The following MAST4 variants were observed in gnomAD, a reference collection of about 807,000 sequenced individuals.
MAST4 encodes microtubule associated serine/threonine kinase family member 4.
Under a neutral mutation model 162.7 loss-of-function variants are expected in MAST4, and 89 were observed. The observed-to-expected ratio is 0.55, with a 90% confidence interval of 0.46 to 0.65. The LOEUF (loss-of-function observed/expected upper bound fraction) is 0.65. MAST4 is among the 30% of genes least tolerant of loss of function. The pLI is 0.00. For synonymous variants in MAST4, 1,479 were observed against 1,361.1 expected, an observed-to-expected ratio of 1.09 and a Z score of -1.91; for missense variants, 3,153 against 3,374.0, an observed-to-expected ratio of 0.93 and a Z score of 1.62.
chr5:66,598,989 C>T (rs1742380298), intron 1 of MAST4, among the ~76,000 whole-genome samples: 1 of 152,172 alleles, frequency 6.6e-6, no homozygotes, highest in Non-Finnish European at 1.5e-5. Context: ...TAACATGGGT[C>T]ACTATTTGTG....
intron 4 of MAST4, among the ~76,000 whole-genome samples, chr5:67,003,569 A>G (rs186120707): frequency 6.6e-6 from 1 of 152,208 alleles, no homozygotes; most frequent in African/African-American, 2.4e-5. Context: ...TTTTTTGCTG[A>G]ATATATACTT....
intron 10 of MAST4, among the ~76,000 whole-genome samples, chr5:67,106,215 A>G (rs1241516872): frequency 1.3e-5 from 2 of 152,078 alleles, no homozygotes; most frequent in African/African-American, 4.8e-5. Context: ...CTTGGATTAG[A>G]GACCTATAGA....
intron 1 of MAST4, among the ~76,000 whole-genome samples, chr5:66,711,707 C>T (rs1363101138): frequency 6.6e-6 from 1 of 152,014 alleles, no homozygotes; most frequent in African/African-American, 2.4e-5. Flanking sequence ...TGGTGGTGGG[C>T]GTCTGTAATC....
chr5:66,616,710 C>T (rs4339298), intron 1 of MAST4, among the ~76,000 whole-genome samples: 146,491 of 152,340 alleles, frequency 0.96, 70,649 homozygotes, highest in African/African-American at 0.99. Context: ...AAGGAACAGC[C>T]TAAGAGAGTG....
At chr5:66,742,279 A>G (rs1432197177) in intron 1 of MAST4, among the ~76,000 whole-genome samples, 1 of 152,156 alleles carries the variant, frequency 6.6e-6, no homozygotes, top group East Asian at 1.9e-4. Context: ...CAGTGTGTTC[A>G]CACTTCCCGA....
chr5:66,834,103 C>T (rs914890426), intron 3 of MAST4, among the ~76,000 whole-genome samples: 6 of 152,144 alleles, frequency 3.9e-5, no homozygotes, highest in South Asian at 4.1e-4. Flanking sequence ...TAATTAAATA[C>T]GGGTATCAGG....
In MAST4 at chr5:67,028,543, C is replaced by G. The variant is rs139688731; in HGVS notation, c.675-25861C>G. Among the ~76,000 whole-genome samples, 4 of 152,102 alleles carry G rather than the reference C, an allele frequency of 2.6e-5. No homozygotes were observed. In the South Asian group the frequency reaches 8.3e-4, roughly 32 times the overall value. On this transcript the variant is annotated intron_variant, in intron 4 of 28. Transcript: ENST00000403625. ...ATGATGCCACAAGCAGGCTGGTGAC[C>G]GTGAGAATGAAGGGAGACGCTCAGG...
In MAST4 at chr5:67,166,385, C is replaced by CGCGGAGCGGCCT; in HGVS notation, c.7217_7218insTGCGGAGCGGCC (p.Glu2404_Ala2407dup). 1 of 1,610,768 alleles carries CGCGGAGCGGCCT rather than the reference C, an allele frequency of 6.2e-7. No homozygotes were observed. The highest frequency in any genetic ancestry group is 8.5e-7 in the Non-Finnish European group (1 of 1,178,318). ...TGCATAGCGAGAACCGGTTGAAAGG[C>CGCGGAGCGGCCT]GCGGAGCGGCCAGCCGCGGGGGTGG... On this transcript the variant is annotated inframe_insertion, in exon 29 of 29. Transcript: ENST00000403625.
At chr5:66,878,973 C>A (rs1291378974) in intron 3 of MAST4, among the ~76,000 whole-genome samples, 1 of 152,220 alleles carries the variant, frequency 6.6e-6, no homozygotes, top group Non-Finnish European at 1.5e-5. Flanking sequence ...TGATTCTCAA[C>A]TACCCTTATA....
At chr5:66,713,531 C>T (rs1223408167) in intron 1 of MAST4, among the ~76,000 whole-genome samples, 2 of 152,208 alleles carry the variant, frequency 1.3e-5, no homozygotes, top group Non-Finnish European at 2.9e-5. Flanking sequence ...AAATACATTA[C>T]TCAAATAATA....
chr5:66,998,238 A>G (rs1750896201), intron 4 of MAST4, among the ~76,000 whole-genome samples: 1 of 152,242 alleles, frequency 6.6e-6, no homozygotes, highest in African/African-American at 2.4e-5. Context: ...CAAGAGCTGT[A>G]TAAGAAATGA....
intron 3 of MAST4, among the ~76,000 whole-genome samples, chr5:66,867,279 G>A (rs1358813145): frequency 3.3e-5 from 5 of 152,046 alleles, no homozygotes; most frequent in Non-Finnish European, 7.4e-5. Flanking sequence ...AAAGAATTAG[G>A]CTTTTATAAA....
intron 26 of MAST4, among the ~76,000 whole-genome samples, chr5:67,155,464 A>G (rs571436640): frequency 6.6e-6 from 1 of 152,304 alleles, no homozygotes; most frequent in East Asian, 1.9e-4. Flanking sequence ...ACAGGTGGAG[A>G]CGATACTTGG....
In MAST4 at chr5:67,162,783, C is replaced by A; in HGVS notation, c.3962C>A (p.Pro1321Gln). 1.2e-6 allele frequency: 2 copies of A among 1,613,720 alleles called. No individual in the cohort carries two copies. Among genetic ancestry groups the A allele is most frequent in the Non-Finnish European group, 1.7e-6 (2 of 1,179,772 alleles). ...AGCTACCGCTCCACCCCTGACTTCC[C>A]ATCTGGTGAGTGAGTCTCCTGGTCT... is the stretch of plus-strand genomic sequence containing the variant. ...TPSYRSTPDF[P>Q]SGTNSSQSSS... The change falls in exon 28 of 29, where the codon CCA becomes CAA. Residue 1321 changes from proline (P) to glutamine (Q), a missense_variant. Pro to Gln is a moderately conservative substitution (Grantham distance 76, BLOSUM62 -1). This residue lies in a region of MAST4 where 619 missense variants were observed against 744.2 expected (regional missense o/e 0.83). Coordinates refer to ENST00000403625, the MANE Select transcript of MAST4 (RefSeq NM_001164664.2).
At chr5:66,644,772 A>C (rs1369927821) in intron 1 of MAST4, among the ~76,000 whole-genome samples, 1 of 141,080 alleles carries the variant, frequency 7.1e-6, no homozygotes, top group African/African-American at 2.7e-5. Context: ...TTGTAAATGG[A>C]AATTAGATAA....
At chr5:67,054,568 A>G (rs1255368709) in intron 5 of MAST4, 76 bp downstream of exon 5, 1 of 1,262,790 alleles carries the variant, frequency 7.9e-7, no homozygotes, top group African/African-American at 1.5e-5. Flanking sequence ...ATGCATTTTG[A>G]TATTTGGTAT....
At chr5:66,648,075 T>TGA (rs1199041939) in intron 1 of MAST4, among the ~76,000 whole-genome samples, 1 of 95,434 alleles carries the variant, frequency 1.0e-5, no homozygotes, top group African/African-American at 4.7e-5. Context: ...TGTGTGTGTG[T>TGA]GTGTGTGTGA....
In MAST4 at chr5:66,716,334, C is replaced by CT. The variant is rs1206669189; in HGVS notation, c.364-43374dup. Among the ~76,000 whole-genome samples, 3 of 151,648 alleles carry CT rather than the reference C, an allele frequency of 2.0e-5. No homozygotes were observed. The East Asian group carries it at 5.8e-4, about 29-fold the overall frequency. On this transcript the variant is annotated intron_variant, in intron 1 of 28. Coordinates refer to ENST00000403625, the MANE Select transcript of MAST4 (RefSeq NM_001164664.2). ...ACAATTTTAGATTTGATCTCTCTCT[C>CT]TATGTGTGTGTATGTGTGTATGTAT...
intron 4 of MAST4, among the ~76,000 whole-genome samples, chr5:66,954,671 C>T (rs186941189): frequency 8.3e-4 from 126 of 152,168 alleles, no homozygotes; most frequent in African/African-American, 2.7e-3. Flanking sequence ...GAGGCTGAGG[C>T]GGGAGGATCA....
Sources: gnomAD v4.1 joint callset for allele counts (sites outside exome capture counted in the v4.1 genomes callset) on GRCh38, gnomAD v4.1.1 for gene constraint, gnomAD v4.1.1 regional missense constraint, MANE v1.5 for transcripts, NCBI Gene and HGNC (gene_info 2026-07-23, HGNC 2026-07-21) for gene names.